STAG1: variants seen among roughly 807,000 people sequenced by gnomAD.
The protein encoded by STAG1 is cohesin subunit SA-1.
Under a neutral mutation model 170.9 loss-of-function variants are expected in STAG1, and 26 were observed. That is an observed-to-expected ratio of 0.15 (90% CI 0.11 to 0.21). The LOEUF is 0.21. STAG1 is among the 10% of genes least tolerant of loss of function. STAG1 has a pLI of 1.00. For missense variants in STAG1, 964 were observed against 1,509.5 expected (o/e 0.64, Z 5.99); for synonymous variants, 514 against 497.7 (o/e 1.03, Z -0.44).
Position 136,604,394 on chromosome 3 carries a change from C to T in STAG1, c.212G>A (p.Arg71Lys), listed in dbSNP as rs755275987. ...EAGIRGAGRG[R>K]ANGHPQQNGE... is the part of the protein sequence containing the mutation. ...ATTCTGTTGAGGGTGTCCATTAGCT[C>T]TTCCACGGCCTGCTCCTCTAATTCC... is the stretch of plus-strand genomic sequence containing the variant. Residue 71 changes from arginine to lysine, a missense_variant, in exon 4 of 34, where the codon AGA becomes AAA. Arg to Lys is a conservative substitution (Grantham distance 26). Around this residue, in one of 11 missense-constraint regions of STAG1, gnomAD observed 108 missense variants for 120.2 expected, o/e 0.90. Transcript: ENST00000383202. The T allele has an allele frequency of 1.1e-5, 17 of 1,613,838 alleles. No individual in the cohort carries two copies. The South Asian group carries it at 1.6e-4, about 16-fold the overall frequency.
intron 10 of STAG1, among the ~76,000 whole-genome samples, chr3:136,474,243 C>G (rs984137483): frequency 1.8e-4 from 27 of 152,136 alleles, no homozygotes; most frequent in African/African-American, 6.5e-4. Flanking sequence ...ACCTAGAAAT[C>G]TAGACAAGTC....
At chr3:136,535,677 A>G (rs1219330170) in intron 6 of STAG1, among the ~76,000 whole-genome samples, 1 of 152,216 alleles carries the variant, frequency 6.6e-6, no homozygotes, top group African/African-American at 2.4e-5. Flanking sequence ...CAAACAAACA[A>G]GTAAACAAAC....
intron 6 of STAG1, among the ~76,000 whole-genome samples, chr3:136,525,278 T>C (rs1428842322): frequency 1.3e-5 from 2 of 152,178 alleles, no homozygotes; most frequent in East Asian, 3.8e-4. Flanking sequence ...TCAGAACCTG[T>C]TATTGGTCTA....
chr3:136,606,630 G>A (rs951070256), intron 3 of STAG1, among the ~76,000 whole-genome samples: 7 of 152,074 alleles, frequency 4.6e-5, no homozygotes, highest in Non-Finnish European at 8.8e-5. Flanking sequence ...ATGACCATAG[G>A]AGTTTTGAGA....
chr3:136,535,371 G>C (rs1031270982), intron 6 of STAG1, among the ~76,000 whole-genome samples: 1 of 152,152 alleles, frequency 6.6e-6, no homozygotes. Flanking sequence ...TTTCAAAATA[G>C]CTAGGAGAGA....
intron 7 of STAG1, among the ~76,000 whole-genome samples, chr3:136,515,037 G>A (rs1287104240): frequency 6.6e-6 from 1 of 151,908 alleles, no homozygotes; most frequent in Non-Finnish European, 1.5e-5. Context: ...TTGTGCACAT[G>A]TACCCTAGAA....
At chr3:136,501,088 A>C (rs909548649) in intron 8 of STAG1, among the ~76,000 whole-genome samples, 1 of 152,340 alleles carries the variant, frequency 6.6e-6, no homozygotes, top group South Asian at 2.1e-4. Flanking sequence ...TTCAGGCTTT[A>C]CTAAAATAAG....
At chr3:136,588,339 TTTTG>T (rs1488567055) in intron 4 of STAG1, among the ~76,000 whole-genome samples, 8 of 152,240 alleles carry the variant, frequency 5.3e-5, no homozygotes, top group South Asian at 4.1e-4. Flanking sequence ...GTTTTTGGGC[TTTTG>T]TTTTTGTTTT....
chr3:136,455,622 T>C (rs2089088257), intron 13 of STAG1, among the ~76,000 whole-genome samples: 1 of 152,184 alleles, frequency 6.6e-6, no homozygotes, highest in Admixed American at 6.5e-5. Flanking sequence ...GGTGCACGGA[T>C]CTTGGCAGCC....
At chr3:136,573,383 C>A (rs1937338381) in intron 4 of STAG1, among the ~76,000 whole-genome samples, 1 of 151,910 alleles carries the variant, frequency 6.6e-6, no homozygotes, top group Admixed American at 6.6e-5. Flanking sequence ...GGCATATAAT[C>A]AAATTGTGCT....
intron 1 of STAG1, among the ~76,000 whole-genome samples, chr3:136,729,057 C>T (rs972064113): frequency 6.6e-6 from 1 of 152,146 alleles, no homozygotes; most frequent in Non-Finnish European, 1.5e-5. Flanking sequence ...CTTGGCTCAC[C>T]GCAGCCTCTG....
chr3:136,721,277 A>T (rs1230036547), intron 1 of STAG1: 1 of 152,262 alleles, frequency 6.6e-6, no homozygotes, highest in African/African-American at 2.4e-5. Flanking sequence ...TAGAAGATTT[A>T]AAAATAATAC....
intron 12 of STAG1, among the ~76,000 whole-genome samples, chr3:136,468,562 G>A (rs1042096075): frequency 2.0e-5 from 3 of 152,098 alleles, no homozygotes; most frequent in Non-Finnish European, 2.9e-5. Flanking sequence ...ATTCACAGTC[G>A]AATTCTACCA....
At chr3:136,745,607 G>A (rs1415505237) in intron 1 of STAG1, among the ~76,000 whole-genome samples, 2 of 152,182 alleles carry the variant, frequency 1.3e-5, no homozygotes, top group Non-Finnish European at 2.9e-5. Context: ...CTGACAGGAG[G>A]TGGATGGAGC....
At chr3:136,476,207 G>C (rs1451532538) in intron 10 of STAG1, among the ~76,000 whole-genome samples, 2 of 152,188 alleles carry the variant, frequency 1.3e-5, no homozygotes. Flanking sequence ...ATAGGACAAT[G>C]CTAGTAGCCC....
chr3:136,527,095 A>C (rs1008939107), intron 6 of STAG1, among the ~76,000 whole-genome samples: 4 of 152,306 alleles, frequency 2.6e-5, no homozygotes, highest in Admixed American at 2.6e-4. Context: ...CTCAAGGAGT[A>C]TCTTCATGAC....
At chr3:136,423,103 T>G (rs2088006847) in intron 16 of STAG1, 59 bp from the exon 17 acceptor site, 1 of 1,135,984 alleles carries the variant, frequency 8.8e-7, no homozygotes, top group African/African-American at 1.6e-5. Flanking sequence ...TCCAAACTGT[T>G]ACATATATTG....
chr3:136,572,868 T>C (rs1175428379), intron 4 of STAG1, among the ~76,000 whole-genome samples: 1 of 152,162 alleles, frequency 6.6e-6, no homozygotes, highest in Non-Finnish European at 1.5e-5. Flanking sequence ...GATATGAAGA[T>C]AAATGAATTT....
intron 1 of STAG1, among the ~76,000 whole-genome samples, chr3:136,673,021 T>C (rs984037755): frequency 1.3e-5 from 2 of 152,244 alleles, no homozygotes; most frequent in South Asian, 2.1e-4. Context: ...TCATTATACA[T>C]GGAACATTCT....
Sources: allele counts gnomAD v4.1 joint callset (sites outside exome capture counted in the v4.1 genomes callset), GRCh38; gene constraint gnomAD v4.1.1; regional missense constraint gnomAD v4.1.1; transcripts MANE v1.5; gene names NCBI Gene and HGNC (gene_info 2026-07-23, HGNC 2026-07-21).